TENM4: variants seen among roughly 807,000 people sequenced by gnomAD.
TENM4 encodes teneurin transmembrane protein 4, also known as teneurin-4.
Under a neutral mutation model 243.3 loss-of-function variants are expected in TENM4, and 82 were observed. The observed-to-expected ratio is 0.34, with a 90% CI of 0.28 to 0.40. The LOEUF is 0.40. TENM4 is among the 10% of genes least tolerant of loss of function. TENM4 has a pLI of 1.00. For synonymous variants in TENM4, 1,412 were observed against 1,456.3 expected, an observed-to-expected ratio of 0.97 and a Z score of 0.69; for missense variants, 3,138 against 3,673.3, an observed-to-expected ratio of 0.85 and a Z score of 3.77.
rs921497012 is a variant in TENM4 at position 79,068,860 on chromosome 11, A to T, written c.223+862T>A. On this transcript the variant is annotated intron_variant, in intron 5 of 33. Coordinates refer to ENST00000278550, the MANE Select transcript of TENM4 (RefSeq NM_001098816.3). The stretch of plus-strand genomic sequence containing the variant: ...AGTGTGGAGAGTTAGGGGACAAAAA[A>T]AGTCTAGAAAAACAGAAACAGATTT... 2.0e-5 allele frequency among the ~76,000 whole-genome samples: 3 copies of T among 152,122 alleles called. No individual in the cohort carries two copies. In the South Asian group the frequency reaches 6.2e-4, roughly 32 times the overall value.
rs74747799 is a variant in TENM4, at chr11:78,798,986, G to A, written c.2179+6306C>T. 1.5e-3 allele frequency among the ~76,000 whole-genome samples: 234 copies of A among 152,204 alleles called. 1 individual carries two copies. The highest frequency in any genetic ancestry group is 5.3e-3 in the African/African-American group (220 of 41,518). ...AGGCTGTGGGGCTGTCTGATCCTCG[G>A]TGCCTAAAACAGTGAATGCCCAGCA... On this transcript the variant is annotated intron_variant, in intron 15 of 33. Coordinates refer to ENST00000278550, the MANE Select transcript of TENM4 (RefSeq NM_001098816.3).
At chr11:78,896,050 T>C (rs902640351) in intron 7 of TENM4, among the ~76,000 whole-genome samples, 9 of 152,126 alleles carry the variant, frequency 5.9e-5, no homozygotes, top group Admixed American at 1.3e-4. Flanking sequence ...AGCTCACCTC[T>C]CAAGGGCAGA....
chr11:78,786,857 G>A, intron 16 of TENM4, 41 bp downstream of exon 16: 1 of 1,570,528 alleles, frequency 6.4e-7, no homozygotes, highest in East Asian at 2.3e-5. Flanking sequence ...AAGATGTCCT[G>A]CAGACCAGAG....
At chr11:79,069,391 C>T (rs868800397) in intron 5 of TENM4, among the ~76,000 whole-genome samples, 2 of 152,188 alleles carry the variant, frequency 1.3e-5, no homozygotes, top group African/African-American at 4.8e-5. Context: ...AGGCTTCTCA[C>T]GGCCATGTAA....
At chr11:79,306,544 C>T (rs1856629104) in intron 1 of TENM4, among the ~76,000 whole-genome samples, 1 of 152,090 alleles carries the variant, frequency 6.6e-6, no homozygotes, top group Non-Finnish European at 1.5e-5. Flanking sequence ...TGAGGTCGTG[C>T]TGGGAAGGGC....
chr11:79,104,066 A>T (rs1030899099), intron 4 of TENM4, among the ~76,000 whole-genome samples: 1 of 152,092 alleles, frequency 6.6e-6, no homozygotes, highest in Admixed American at 6.5e-5. Flanking sequence ...ATTTTTCTCA[A>T]TTAAATGCCC....
At chr11:79,326,734 C>G (rs1315246532) in intron 1 of TENM4, among the ~76,000 whole-genome samples, 1 of 152,170 alleles carries the variant, frequency 6.6e-6, no homozygotes, top group Non-Finnish European at 1.5e-5. Flanking sequence ...TCCCATTTAA[C>G]TGAGTCTCTT....
At chr11:79,353,371 A>G (rs1004081328) in intron 1 of TENM4, among the ~76,000 whole-genome samples, 2 of 152,208 alleles carry the variant, frequency 1.3e-5, no homozygotes, top group African/African-American at 4.8e-5. Flanking sequence ...GGGAGAGACT[A>G]CATCCTGATG....
At chr11:79,080,107 C>T (rs374850095) in intron 4 of TENM4, among the ~76,000 whole-genome samples, 13 of 152,196 alleles carry the variant, frequency 8.5e-5, no homozygotes, top group Non-Finnish European at 7.3e-5. Flanking sequence ...GACTGAAGAC[C>T]GGGCTGGTCT....
chr11:78,892,334 G>A (rs1000856823), intron 7 of TENM4, among the ~76,000 whole-genome samples: 7 of 152,278 alleles, frequency 4.6e-5, no homozygotes, highest in African/African-American at 1.7e-4. Context: ...ATCCAGTGGT[G>A]GCTTCAGCCT....
chr11:78,841,450 C>T (rs1041875605), intron 12 of TENM4, among the ~76,000 whole-genome samples: 2 of 152,204 alleles, frequency 1.3e-5, no homozygotes, highest in African/African-American at 4.8e-5. Context: ...GAAAGCACTG[C>T]TGACCCTGAG....
chr11:79,055,734 A>G (rs943935478), intron 6 of TENM4, among the ~76,000 whole-genome samples: 1 of 152,150 alleles, frequency 6.6e-6, no homozygotes, highest in African/African-American at 2.4e-5. Flanking sequence ...CCGTTTCTTC[A>G]TCTCAGTGAG....
chr11:79,236,855 C>T (rs1864484088), intron 2 of TENM4, among the ~76,000 whole-genome samples: 1 of 152,098 alleles, frequency 6.6e-6, no homozygotes, highest in Non-Finnish European at 1.5e-5. Flanking sequence ...ACTGGATCTT[C>T]CCACCCACAC....
At chr11:79,235,270 G>A (rs188282472) in intron 2 of TENM4, among the ~76,000 whole-genome samples, 220 of 152,112 alleles carry the variant, frequency 1.4e-3, no homozygotes, top group African/African-American at 5.1e-3. Flanking sequence ...CCAAGATATC[G>A]CGCCACTGCA....
intron 1 of TENM4, among the ~76,000 whole-genome samples, chr11:79,305,153 C>A (rs572567708): frequency 6.6e-6 from 1 of 152,202 alleles, no homozygotes; most frequent in Non-Finnish European, 1.5e-5. Context: ...GTGAAAAGAG[C>A]ATGGGCCTGA....
chr11:78,882,096 G>C (rs1223365913), intron 9 of TENM4, among the ~76,000 whole-genome samples: 2 of 152,118 alleles, frequency 1.3e-5, no homozygotes, highest in African/African-American at 4.8e-5. Flanking sequence ...TGTCCAAAAG[G>C]CCTGATGTGA....
At chr11:79,055,230 T>A (rs1205724201) in intron 6 of TENM4, among the ~76,000 whole-genome samples, 1 of 152,026 alleles carries the variant, frequency 6.6e-6, no homozygotes, top group African/African-American at 2.4e-5. Context: ...CTATCTATTA[T>A]ATTATTATTA....
chr11:78,848,891 T>C (rs1210576870), intron 12 of TENM4, among the ~76,000 whole-genome samples: 3 of 152,170 alleles, frequency 2.0e-5, no homozygotes, highest in Non-Finnish European at 4.4e-5. Context: ...TTCTAATCCC[T>C]GGACATAAAG....
intron 2 of TENM4, among the ~76,000 whole-genome samples, chr11:79,225,307 G>GA (rs556480794): frequency 8.3e-4 from 127 of 152,192 alleles, no homozygotes; most frequent in Non-Finnish European, 1.5e-3. Context: ...GAAAGGGTCA[G>GA]AAAAAATCTA....
Sources: allele counts gnomAD v4.1 joint callset (sites outside exome capture counted in the v4.1 genomes callset), GRCh38; gene constraint gnomAD v4.1.1; transcripts MANE v1.5; gene names NCBI Gene and HGNC (gene_info 2026-07-23, HGNC 2026-07-21).